MYO5B: variants seen among roughly 807,000 people sequenced by gnomAD.
MYO5B encodes the protein myosin VB.
Under a neutral mutation model 229.3 loss-of-function variants are expected in MYO5B, and 143 were observed. The ratio of observed to expected loss-of-function variants is 0.62; its 90% CI spans 0.54 to 0.72. The LOEUF is 0.72. MYO5B is among the 30% of genes least tolerant of loss of function. MYO5B has a pLI of 0.00. For missense variants in MYO5B, 2,321 were observed against 2,331.0 expected (o/e 1.00, Z 0.09); for synonymous variants, 918 against 885.2 (o/e 1.04, Z -0.66).
chr18:50,166,476 C>T (rs2032854115), intron 1 of MYO5B, among the ~76,000 whole-genome samples: 1 of 152,180 alleles, frequency 6.6e-6, no homozygotes, highest in African/African-American at 2.4e-5. Context: ...TAACACACAG[C>T]TAAGCTGGTA....
intron 10 of MYO5B, 40 bp downstream of exon 10, chr18:49,974,310 T>G: frequency 6.2e-7 from 1 of 1,613,864 alleles, no homozygotes; most frequent in Admixed American, 1.7e-5. Context: ...AGGAAGCCAC[T>G]CCCAGGTAGC....
At chr18:50,074,622 G>T (rs182621914) in intron 1 of MYO5B, among the ~76,000 whole-genome samples, 14 of 152,234 alleles carry the variant, frequency 9.2e-5, no homozygotes, top group Non-Finnish European at 1.6e-4. Flanking sequence ...CAAGGCTCTT[G>T]TCATGTAAAT....
In MYO5B at chr18:49,974,289, A is replaced by G. The variant is rs1408789184; in HGVS notation, c.1322+61T>C. Reference sequence around the variant, plus strand: ...GCTCTCCAATGCCCCTGCTGGCTGTAAAGTATGAGCAGGAAGCCACTCCCA... The same window carrying G: ...GCTCTCCAATGCCCCTGCTGGCTGTGAAGTATGAGCAGGAAGCCACTCCCA... On this transcript the variant is annotated intron_variant, in intron 10 of 39. Transcript: ENST00000285039. 1.1e-5 allele frequency: 17 copies of G among 1,609,696 alleles called. No individual in the cohort carries two copies. In the East Asian group the frequency reaches 1.1e-4, roughly 11 times the overall value.
intron 4 of MYO5B, among the ~76,000 whole-genome samples, chr18:50,016,831 C>A (rs2026220766): frequency 6.6e-6 from 1 of 151,900 alleles, no homozygotes; most frequent in South Asian, 2.1e-4. Flanking sequence ...TGCCCTAAAC[C>A]AACCCCCGAC....
chr18:49,864,492 A>C (rs1488220484), intron 27 of MYO5B, 112 bp from the exon 28 acceptor site: 8 of 1,439,120 alleles, frequency 5.6e-6, no homozygotes, highest in Non-Finnish European at 7.6e-6. Context: ...CGCTCTTTAA[A>C]CGTTGACACA....
intron 1 of MYO5B, among the ~76,000 whole-genome samples, chr18:50,105,938 C>G (rs2031751597): frequency 6.6e-6 from 1 of 152,062 alleles, no homozygotes; most frequent in Non-Finnish European, 1.5e-5. Context: ...CATAAACAAG[C>G]CTCCTTTGTA....
chr18:49,929,459 C>T, intron 17 of MYO5B, 53 bp downstream of exon 17: 3 of 1,492,030 alleles, frequency 2.0e-6, no homozygotes, highest in Non-Finnish European at 2.7e-6. Flanking sequence ...GGGAACCAAA[C>T]TCTGGCTGCT....
intron 33 of MYO5B, among the ~76,000 whole-genome samples, chr18:49,844,244 T>A (rs2024098150): frequency 6.6e-6 from 1 of 152,192 alleles, no homozygotes; most frequent in African/African-American, 2.4e-5. Context: ...GAGCCAGACT[T>A]AAGGCAACAG....
At chr18:50,047,090 G>C (rs1416758909) in intron 2 of MYO5B, among the ~76,000 whole-genome samples, 1 of 152,106 alleles carries the variant, frequency 6.6e-6, no homozygotes, top group African/African-American at 2.4e-5. Flanking sequence ...TTGACAAATG[G>C]GATCTAATTC....
chr18:50,152,304 G>A (rs1568126195), intron 1 of MYO5B, among the ~76,000 whole-genome samples: 1 of 152,138 alleles, frequency 6.6e-6, no homozygotes, highest in African/African-American at 2.4e-5. Context: ...AGGTGTTTAG[G>A]GGCTTAACCC....
At chr18:49,995,233 T>C (rs1444931360) in intron 5 of MYO5B, among the ~76,000 whole-genome samples, 4 of 149,776 alleles carry the variant, frequency 2.7e-5, no homozygotes, top group African/African-American at 7.4e-5. Flanking sequence ...AGGATAAAGA[T>C]AGATATTAAT....
intron 39 of MYO5B, among the ~76,000 whole-genome samples, chr18:49,830,850 AAAGG>A (rs2023909583): frequency 6.6e-6 from 1 of 151,156 alleles, no homozygotes; most frequent in East Asian, 1.9e-4. Context: ...AAAAAAAAAA[AAAGG>A]AAAACAAAAT....
rs1254795220 is a variant in MYO5B, at chr18:49,953,914, G to A, written c.1668+399C>T. 2.6e-5 allele frequency among the ~76,000 whole-genome samples: 3 copies of A among 115,054 alleles called. No homozygotes were observed. The Admixed American group carries it at 2.7e-4, about 10-fold the overall frequency. 75.5% of individuals were successfully genotyped at this position (115,054 alleles called of 152,430 possible). On this transcript the variant is annotated intron_variant, in intron 13 of 39. Transcript: ENST00000285039. The stretch of plus-strand genomic sequence containing the variant: ...CATATATGTGTGTGTGTGTGTGTGT[G>A]TGTGTGTGTGTGTGTGTGTAGACTA...
intron 26 of MYO5B, among the ~76,000 whole-genome samples, chr18:49,875,375 A>C (rs1054887410): frequency 2.6e-5 from 4 of 151,840 alleles, no homozygotes; most frequent in African/African-American, 9.7e-5. Context: ...CTGTATTTAC[A>C]CTCTTATTAC....
chr18:50,153,349 A>C (rs1322492219), intron 1 of MYO5B, among the ~76,000 whole-genome samples: 1 of 152,224 alleles, frequency 6.6e-6, no homozygotes, highest in Non-Finnish European at 1.5e-5. Flanking sequence ...AAGAGATGTC[A>C]GTGTTAACAG....
chr18:49,954,026 G>A (rs1222886331), intron 13 of MYO5B, among the ~76,000 whole-genome samples: 1 of 3,818 alleles, frequency 2.6e-4, no homozygotes, highest in African/African-American at 1.7e-3. Flanking sequence ...GTATTTATAT[G>A]TGTGTGTGTG....
At chr18:50,137,665 T>C (rs2032355696) in intron 1 of MYO5B, among the ~76,000 whole-genome samples, 1 of 152,130 alleles carries the variant, frequency 6.6e-6, no homozygotes, top group African/African-American at 2.4e-5. Context: ...CATTCTACCA[T>C]AAAGACACAT....
intron 16 of MYO5B, among the ~76,000 whole-genome samples, chr18:49,930,894 A>T (rs887410602): frequency 6.7e-6 from 1 of 149,868 alleles, no homozygotes; most frequent in African/African-American, 2.5e-5. Context: ...TCTGTCTCAA[A>T]AAAAAACACT....
At chr18:50,127,653 A>ATTTAGGTGGGG (rs2032187774) in intron 1 of MYO5B, among the ~76,000 whole-genome samples, 1 of 152,164 alleles carries the variant, frequency 6.6e-6, no homozygotes, top group South Asian at 2.1e-4. Context: ...AAGAGGTGGG[A>ATTTAGGTGGGG]TTTAGGTGGG....
Sources: gnomAD v4.1 joint callset for allele counts (sites outside exome capture counted in the v4.1 genomes callset) on GRCh38, gnomAD v4.1.1 for gene constraint, MANE v1.5 for transcripts, NCBI Gene and HGNC (gene_info 2026-07-23, HGNC 2026-07-21) for gene names.